C4orf50: variants seen among roughly 807,000 people sequenced by gnomAD.
C4orf50 encodes the protein uncharacterized protein C4orf50.
In C4orf50, 80 loss-of-function variants were observed where a neutral mutation model predicts 77.2. The ratio of observed to expected loss-of-function variants is 1.04; its 90% CI spans 0.87 to 1.25. C4orf50 has a LOEUF of 1.25. C4orf50 is among the 50% of genes most tolerant of loss of function. The pLI is 0.00. For missense variants in C4orf50, 1,257 were observed against 1,152.9 expected, an observed-to-expected ratio of 1.09 and a Z score of -1.31; for synonymous variants, 532 against 465.3, an observed-to-expected ratio of 1.14 and a Z score of -1.84.
downstream of C4orf50, among the ~76,000 whole-genome samples, chr4:5,954,482 G>A (rs1481721866): frequency 6.6e-6 from 1 of 152,122 alleles, no homozygotes; most frequent in Non-Finnish European, 1.5e-5. The surrounding 1 kb of genome is among the most constrained non-coding windows in gnomAD (Gnocchi z 4.7). Context: ...GGGAGGTGAT[G>A]TGTGTTGGGA....
At position 5,905,910 on chromosome 4, in the gene C4orf50, G is replaced by C. The variant is rs551611793; in HGVS notation, c.*2475-7722C>G. On this transcript the variant is annotated intron_variant, in intron 7 of 7. Coordinates refer to the C4orf50 transcript ENST00000324058. The surrounding 1 kb of genome is among the most constrained non-coding windows in gnomAD (Gnocchi z 5.4). Reference sequence around the variant, plus strand: ...GTGTGGTAATCTCTATGCTAAGCACGGGGGCAGGGGGGCGGGGGGCAGAGG... The same window carrying C: ...GTGTGGTAATCTCTATGCTAAGCACCGGGGCAGGGGGGCGGGGGGCAGAGG... Among the ~76,000 whole-genome samples the C allele has an allele frequency of 6.6e-6, 1 of 151,976 alleles. No homozygotes were observed. The highest frequency in any genetic ancestry group is 1.5e-5 in the Non-Finnish European group (1 of 68,012).
downstream of C4orf50, among the ~76,000 whole-genome samples, chr4:5,953,324 A>G (rs1378389531): frequency 6.6e-6 from 1 of 152,148 alleles, no homozygotes; most frequent in Non-Finnish European, 1.5e-5. Flanking sequence ...ACACAGTAAT[A>G]TTGCGGCTAC....
exon 29 of C4orf50, chr4:5,980,203 T>C: frequency 6.2e-7 from 1 of 1,602,912 alleles, no homozygotes; most frequent in Non-Finnish European, 8.5e-7. Context: ...TGGAGGCGGG[T>C]GGCCTCGTCC....
chr4:5,959,742 C>T (rs1161731162), intron 33 of C4orf50, 116 bp from the exon 12 acceptor site: 2 of 1,263,324 alleles, frequency 1.6e-6, no homozygotes, highest in Admixed American at 2.7e-5. Flanking sequence ...TTTCGGGGCA[C>T]TTTCTGTGCC....
intron 29 of C4orf50, among the ~76,000 whole-genome samples, chr4:5,979,246 A>G (rs757190654): frequency 6.6e-6 from 1 of 152,212 alleles, no homozygotes; most frequent in Non-Finnish European, 1.5e-5. Flanking sequence ...AAAAATGTTC[A>G]TTGGAGCTGT....
At chr4:6,003,301 T>A (rs1274884808) in intron 25 of C4orf50, among the ~76,000 whole-genome samples, 1 of 152,248 alleles carries the variant, frequency 6.6e-6, no homozygotes, top group Admixed American at 6.5e-5. Flanking sequence ...CAGTCCAGGA[T>A]AAGCCCTCAG....
At chr4:5,953,138 CG>C (rs931514529), downstream of C4orf50, among the ~76,000 whole-genome samples, 3 of 152,076 alleles carry the variant, frequency 2.0e-5, no homozygotes, top group African/African-American at 7.2e-5. Flanking sequence ...TGTGAGTCCC[CG>C]CCCCACTGAT....
At chr4:5,912,672 C>T (rs1004108161) in intron 7 of C4orf50, among the ~76,000 whole-genome samples, 45 of 152,268 alleles carry the variant, frequency 3.0e-4, no homozygotes, top group Admixed American at 6.5e-5. Context: ...GGGCATGCCA[C>T]ACCATGCAAG....
At chr4:5,989,127 G>A in exon 28 of C4orf50, 2 of 1,536,016 alleles carry the variant, frequency 1.3e-6, no homozygotes, top group Non-Finnish European at 1.7e-6. Flanking sequence ...GCTCGAGCCT[G>A]GATATTTTTG....
chr4:5,949,563 G>C (rs1279466339), intron 7 of C4orf50, among the ~76,000 whole-genome samples: 1 of 152,224 alleles, frequency 6.6e-6, no homozygotes, highest in African/African-American at 2.4e-5. Flanking sequence ...AAGAGTTACT[G>C]TTTAATGGGA....
chr4:5,953,544 C>T (rs994163109), downstream of C4orf50, among the ~76,000 whole-genome samples: 5 of 152,304 alleles, frequency 3.3e-5, no homozygotes, highest in African/African-American at 7.2e-5. Flanking sequence ...GACTCAGTGA[C>T]AGCAGTATCT....
chr4:5,934,381 T>C (rs1275773002), intron 7 of C4orf50, among the ~76,000 whole-genome samples: 2 of 152,072 alleles, frequency 1.3e-5, no homozygotes, highest in African/African-American at 4.8e-5. Context: ...CAGCACAGAG[T>C]TTAGCATTTT....
At chr4:5,977,693 A>T (rs1364142147) in intron 29 of C4orf50, among the ~76,000 whole-genome samples, 2 of 152,208 alleles carry the variant, frequency 1.3e-5, no homozygotes, top group East Asian at 3.9e-4. Context: ...CAGCATTCCT[A>T]ACGTATTCAA....
At chr4:5,912,583 T>C (rs6839499) in intron 7 of C4orf50, among the ~76,000 whole-genome samples, 60,505 of 151,908 alleles carry the variant, frequency 0.4, 12,517 homozygotes, top group African/African-American at 0.52. Context: ...TTTGTTTTAA[T>C]AGGGTATGGT....
At chr4:5,991,284 G>T (rs1418533163) in intron 27 of C4orf50, among the ~76,000 whole-genome samples, 1 of 152,200 alleles carries the variant, frequency 6.6e-6, no homozygotes, top group Non-Finnish European at 1.5e-5. Flanking sequence ...ATTAAATCAA[G>T]GTTAACATTC....
At chr4:6,003,910 T>G (rs1341244781) in intron 25 of C4orf50, among the ~76,000 whole-genome samples, 1,443 of 18,032 alleles carry the variant, frequency 0.08, 23 homozygotes, top group Admixed American at 0.11. Flanking sequence ...GATGGTGATG[T>G]TGATGATGGT....
chr4:5,986,538 ATTTT>A (rs199690104), intron 28 of C4orf50, among the ~76,000 whole-genome samples: 1,403 of 136,172 alleles, frequency 0.01, 24 homozygotes, highest in African/African-American at 0.036. Context: ...TAACAACGTC[ATTTT>A]TTTTTTTTTT....
At chr4:5,986,883 A>G (rs1258446110) in intron 28 of C4orf50, among the ~76,000 whole-genome samples, 1 of 152,158 alleles carries the variant, frequency 6.6e-6, no homozygotes, top group Non-Finnish European at 1.5e-5. Flanking sequence ...ATGATAGTAT[A>G]TAAATTTCCT....
In C4orf50 at chr4:6,009,994, C is replaced by T. The variant is rs1374176700; in HGVS notation, c.427-1462G>A. On this transcript the variant is annotated intron_variant, in intron 24 of 33. Transcript: ENST00000531445. This position sits in a 1 kb window ranked among gnomAD's most constrained non-coding sequence, Gnocchi z 5.6. Reference sequence around the variant, plus strand: ...GTGTAGAAAAGGGCTTAGTGTTCCCCTGCAGAAACTGCTGGTCCCTGCAGT... The same window carrying T: ...GTGTAGAAAAGGGCTTAGTGTTCCCTTGCAGAAACTGCTGGTCCCTGCAGT... 2.0e-5 allele frequency among the ~76,000 whole-genome samples: 3 copies of T among 152,278 alleles called. No individual in the cohort carries two copies. The South Asian group carries it at 6.2e-4, about 32-fold the overall frequency.
Sources: gnomAD v4.1 joint callset for allele counts (sites outside exome capture counted in the v4.1 genomes callset) on GRCh38, gnomAD v4.1.1 for gene constraint, Gnocchi (gnomAD v3.1) non-coding constraint, MANE v1.5 for transcripts, NCBI Gene and HGNC (gene_info 2026-07-23, HGNC 2026-07-21) for gene names.